TMEM178B: variants seen among roughly 807,000 people sequenced by gnomAD.
TMEM178B encodes the protein transmembrane protein 178B.
Under a neutral mutation model 31.0 loss-of-function variants are expected in TMEM178B, and 5 were observed. That is an observed-to-expected ratio of 0.16 (90% CI 0.08 to 0.34). The LOEUF (loss-of-function observed/expected upper bound fraction) is 0.34. TMEM178B is among the 10% of genes least tolerant of loss of function. The pLI, the probability that TMEM178B is intolerant of heterozygous loss-of-function variation, is 1.00. For missense variants in TMEM178B, 275 were observed against 400.3 expected (o/e 0.69, Z 2.67); for synonymous variants, 164 against 164.0 (o/e 1.00, Z 0.00).
rs61516388 is a variant in TMEM178B at position 141,085,150 on chromosome 7, A to AT, written c.382+10484dup. Among the ~76,000 whole-genome samples, 609 of 74,510 alleles carry AT rather than the reference A, an allele frequency of 8.2e-3. 9 individuals carry two copies. Among genetic ancestry groups the AT allele is most frequent in the Middle Eastern group, 0.016 (2 of 124 alleles). 48.9% of individuals were successfully genotyped at this position (74,510 alleles called of 152,430 possible). A position where few individuals can be genotyped will look rare whatever the true frequency, so the allele number is the denominator to read the frequency against. ...CTGTCAGCACTCTCGGCTAATTTGT[A>AT]TTTTTTTTTTTTTTTTTTTTTTTTT... On this transcript the variant is annotated intron_variant, in intron 1 of 3. Coordinates refer to ENST00000565468, the MANE Select transcript of TMEM178B (RefSeq NM_001195278.2).
intron 2 of TMEM178B, among the ~76,000 whole-genome samples, chr7:141,245,508 A>G (rs1797715676): frequency 6.6e-6 from 1 of 152,222 alleles, no homozygotes; most frequent in African/African-American, 2.4e-5. Flanking sequence ...AAGAAACGGC[A>G]AAAAGTCTCC....
intron 2 of TMEM178B, among the ~76,000 whole-genome samples, chr7:141,216,448 T>TGC (rs143135337): frequency 2.5e-4 from 34 of 135,922 alleles, no homozygotes; most frequent in African/African-American, 6.7e-4. Flanking sequence ...TGTGTGTGTG[T>TGC]GCGCGCGCGC....
intron 2 of TMEM178B, among the ~76,000 whole-genome samples, chr7:141,381,628 T>C (rs1800317064): frequency 6.6e-6 from 1 of 152,202 alleles, no homozygotes; most frequent in Non-Finnish European, 1.5e-5. Context: ...TAAAAAAAAT[T>C]GAGGGCCTTA....
intron 2 of TMEM178B, among the ~76,000 whole-genome samples, chr7:141,408,692 AC>A (rs1800929302): frequency 6.6e-6 from 1 of 152,214 alleles, no homozygotes; most frequent in African/African-American, 2.4e-5. Flanking sequence ...CCTTTACAAC[AC>A]CGTGTGGAAA....
At chr7:141,227,859 C>T (rs1229592293) in intron 2 of TMEM178B, among the ~76,000 whole-genome samples, 1 of 152,190 alleles carries the variant, frequency 6.6e-6, no homozygotes, top group Non-Finnish European at 1.5e-5. Context: ...TTCTAACCCA[C>T]TCTTTAAAGG....
At chr7:141,484,534 C>T (rs1163044101), downstream of TMEM178B, among the ~76,000 whole-genome samples, 1 of 152,138 alleles carries the variant, frequency 6.6e-6, no homozygotes, top group Non-Finnish European at 1.5e-5. The surrounding 1 kb of genome is among the most constrained non-coding windows in gnomAD (Gnocchi z 4.8). Flanking sequence ...ATTGCTTCAA[C>T]ACTTCTGCTA....
intron 1 of TMEM178B, among the ~76,000 whole-genome samples, chr7:141,169,368 CATA>C (rs1428838477): frequency 1.3e-5 from 2 of 152,224 alleles, no homozygotes; most frequent in Non-Finnish European, 2.9e-5. Flanking sequence ...CTGCAAAGGA[CATA>C]ATATCATTCT....
intron 2 of TMEM178B, among the ~76,000 whole-genome samples, chr7:141,309,428 A>G (rs139652282): frequency 1.3e-5 from 2 of 152,336 alleles, no homozygotes; most frequent in African/African-American, 2.4e-5. Context: ...GAAAGTATAG[A>G]TAAGCACTAG....
At chr7:141,355,370 A>T (rs1010523900) in intron 2 of TMEM178B, among the ~76,000 whole-genome samples, 1 of 152,170 alleles carries the variant, frequency 6.6e-6, no homozygotes, top group Non-Finnish European at 1.5e-5. Context: ...TTAGAGAAGC[A>T]TTGGGACCCC....
chr7:141,227,643 G>A (rs746024942), intron 2 of TMEM178B, among the ~76,000 whole-genome samples: 5 of 152,144 alleles, frequency 3.3e-5, no homozygotes, highest in Admixed American at 1.3e-4. Flanking sequence ...GTGAATGGGC[G>A]GAGTCCGGAC....
At chr7:141,502,070 C>G in the TMEM178B span, among the ~76,000 whole-genome samples, 1 of 152,258 alleles carries the variant, frequency 6.6e-6, no homozygotes, top group Middle Eastern at 3.4e-3. Flanking sequence ...GATCCGAACC[C>G]TTCCCATCTT....
At chr7:141,429,333 A>T (rs1449583287) in intron 2 of TMEM178B, among the ~76,000 whole-genome samples, 1 of 151,216 alleles carries the variant, frequency 6.6e-6, no homozygotes, top group Non-Finnish European at 1.5e-5. Flanking sequence ...ACACACACAC[A>T]CACACACTCA....
At chr7:141,286,700 G>A (rs978319283) in intron 2 of TMEM178B, among the ~76,000 whole-genome samples, 3 of 152,194 alleles carry the variant, frequency 2.0e-5, no homozygotes, top group Non-Finnish European at 4.4e-5. Flanking sequence ...ACTGCATAGA[G>A]GATGTGTGAC....
chr7:141,087,629 A>G (rs1291104346), intron 1 of TMEM178B, among the ~76,000 whole-genome samples: 1 of 152,246 alleles, frequency 6.6e-6, no homozygotes, highest in East Asian at 1.9e-4. Context: ...TAGTAAAGAA[A>G]AGGTGAGAAT....
At chr7:141,463,552 C>T (rs571701082) in intron 3 of TMEM178B, among the ~76,000 whole-genome samples, 4 of 152,246 alleles carry the variant, frequency 2.6e-5, no homozygotes, top group South Asian at 4.1e-4. Flanking sequence ...CTACTTCCTG[C>T]CCTCCTTCCC....
chr7:141,118,288 A>T (rs1795352194), intron 1 of TMEM178B, among the ~76,000 whole-genome samples: 1 of 152,182 alleles, frequency 6.6e-6, no homozygotes, highest in African/African-American at 2.4e-5. Context: ...TTGCTCTTGG[A>T]ATCAGGGCCC....
chr7:141,448,802 A>G (rs1801808480), intron 3 of TMEM178B, among the ~76,000 whole-genome samples: 1 of 152,184 alleles, frequency 6.6e-6, no homozygotes, highest in Non-Finnish European at 1.5e-5. Flanking sequence ...CGACACCCTG[A>G]GGTCTCCTCC....
At chr7:141,414,178 A>G (rs1209983803) in intron 2 of TMEM178B, among the ~76,000 whole-genome samples, 2 of 24,344 alleles carry the variant, frequency 8.2e-5, no homozygotes, top group Non-Finnish European at 1.3e-4. Context: ...TCCGCCTCCC[A>G]GGTTCACGCC....
intron 2 of TMEM178B, among the ~76,000 whole-genome samples, chr7:141,329,599 A>T (rs1563153172): frequency 6.6e-6 from 1 of 152,326 alleles, no homozygotes; most frequent in East Asian, 1.9e-4. Context: ...AAAAGAATGG[A>T]AAAACTAGTT....
Sources: gnomAD v4.1 joint callset for allele counts (sites outside exome capture counted in the v4.1 genomes callset) on GRCh38, gnomAD v4.1.1 for gene constraint, Gnocchi (gnomAD v3.1) non-coding constraint, MANE v1.5 for transcripts, NCBI Gene and HGNC (gene_info 2026-07-23, HGNC 2026-07-21) for gene names.